KCNQ1: variants seen among roughly 807,000 people sequenced by gnomAD.
KCNQ1 encodes the protein potassium voltage-gated channel subfamily Q member 1, also known as potassium voltage-gated channel subfamily KQT member 1.
KCNQ1 carries 49 observed loss-of-function variants against 72.4 expected under a neutral mutation model. That is an observed-to-expected ratio of 0.68 (90% CI 0.54 to 0.86). The LOEUF (loss-of-function observed/expected upper bound fraction) is 0.86, where lower values mean the gene tolerates loss of function less well. Ranked by LOEUF, KCNQ1 falls within the 40% of genes least tolerant of loss-of-function variation. KCNQ1 has a pLI of 0.00. For missense variants in KCNQ1, 790 were observed against 945.1 expected (o/e 0.84, Z 2.15); for synonymous variants, 450 against 412.6 (o/e 1.09, Z -1.10).
Position 2,830,042 on chromosome 11 carries a change from GGAAGGA to G in KCNQ1, c.1795-17723_1795-17718del. 6.7e-6 allele frequency among the ~76,000 whole-genome samples: 1 copy of G among 149,100 alleles called. No homozygotes were observed. The highest frequency in any genetic ancestry group is 1.5e-5 in the Non-Finnish European group (1 of 66,680). On this transcript the variant is annotated intron_variant, in intron 15 of 15. Transcript: ENST00000155840. The surrounding 1 kb of genome is among the most constrained non-coding windows in gnomAD (Gnocchi z 7.7). ...AAGGAGGAGGAAGGAGGAGGGAGGA[GGAAGGA>G]GGAGGGAGGAGGGAGGAAGAGAGAG... is the stretch of plus-strand genomic sequence containing the variant.
chr11:2,670,794 A>C lies in KCNQ1; in HGVS notation c.1514+8713A>C, dbSNP rs1446502037. On this transcript the variant is annotated intron_variant, in intron 11 of 15. Coordinates refer to ENST00000155840, the MANE Select transcript of KCNQ1 (RefSeq NM_000218.3). The surrounding 1 kb of genome is among the most constrained non-coding windows in gnomAD (Gnocchi z 4.9). Reference sequence around the variant, plus strand: ...CTGCCCTCTGCAATAAGAATTCTTCAAGTTCAGCCTCTATGTGCATCATAA... The same window carrying C: ...CTGCCCTCTGCAATAAGAATTCTTCCAGTTCAGCCTCTATGTGCATCATAA... 5.0e-6 allele frequency: 2 copies of C among 398,428 alleles called. No homozygotes were observed. The highest frequency in any genetic ancestry group is 8.8e-6 in the Non-Finnish European group (2 of 226,074). The allele number at this position is 398,428 out of a possible 1,614,324, so 24.7% of individuals were successfully genotyped here.
chr11:2,555,198 CTT>C (rs977689261), intron 2 of KCNQ1, among the ~76,000 whole-genome samples: 1 of 152,254 alleles, frequency 6.6e-6, no homozygotes, highest in African/African-American at 2.4e-5. Flanking sequence ...CCCCTGGTCT[CTT>C]TGGTTTGCCA....
chr11:2,733,384 CCTCAGT>C (rs1845885438), intron 11 of KCNQ1, among the ~76,000 whole-genome samples: 1 of 152,158 alleles, frequency 6.6e-6, no homozygotes, highest in Non-Finnish European at 1.5e-5. Context: ...TCCCACAAAC[CCTCAGT>C]CTCCTTTGCT....
Position 2,679,121 on chromosome 11 carries a change from A to G in KCNQ1, c.1514+17040A>G, listed in dbSNP as rs749926003. Reference sequence around the variant, plus strand: ...GCTAGAGTGCTGTTATAAGCTGTGCAGGCCAAAATGGTTTCATGGCATGAG... The same window carrying G: ...GCTAGAGTGCTGTTATAAGCTGTGCGGGCCAAAATGGTTTCATGGCATGAG... On this transcript the variant is annotated intron_variant, in intron 11 of 15. Transcript: ENST00000155840. This position sits in a 1 kb window ranked among gnomAD's most constrained non-coding sequence, Gnocchi z 4.8. The G allele has an allele frequency of 8.5e-5, 34 of 398,552 alleles. No homozygotes were observed. The highest frequency in any genetic ancestry group is 1.4e-4 in the Non-Finnish European group (32 of 226,084). The allele number at this position is 398,552 out of a possible 1,614,324, so 24.7% of individuals were successfully genotyped here. A position where few individuals can be genotyped will look rare whatever the true frequency, so the allele number is the denominator to read the frequency against.
chr11:2,596,760 G>A (rs975732665), intron 10 of KCNQ1, among the ~76,000 whole-genome samples: 3 of 151,984 alleles, frequency 2.0e-5, no homozygotes, highest in Admixed American at 1.3e-4. Context: ...CAGTGGATAT[G>A]TTCATTATCA....
At chr11:2,686,193 C>T (rs572816903) in intron 11 of KCNQ1, 3 of 398,832 alleles carry the variant, frequency 7.5e-6, no homozygotes, top group African/African-American at 2.1e-5. Context: ...CTCATCCTGC[C>T]CAAAACCCTG....
rs763680153 is a variant in KCNQ1, at chr11:2,613,626, C to G, written c.1393+24772C>G. The G allele has an allele frequency of 7.5e-6, 3 of 398,384 alleles. No individual in the cohort carries two copies. Among genetic ancestry groups the G allele is most frequent in the Non-Finnish European group, 1.3e-5 (3 of 226,028 alleles). 24.7% of individuals were successfully genotyped at this position (398,384 alleles called of 1,614,324 possible). The stretch of plus-strand genomic sequence containing the variant: ...ATTTCTTTGTCCAGTTTTATCATTG[C>G]TTTTCAGGGAGTGGTTATATCAAGG... On this transcript the variant is annotated intron_variant, in intron 10 of 15. Coordinates refer to ENST00000155840, the MANE Select transcript of KCNQ1 (RefSeq NM_000218.3). This position sits in a 1 kb window ranked among gnomAD's most constrained non-coding sequence, Gnocchi z 4.8.
At chr11:2,472,238 G>GGT (rs970545111) in intron 1 of KCNQ1, among the ~76,000 whole-genome samples, 1 of 149,600 alleles carries the variant, frequency 6.7e-6, no homozygotes, top group Non-Finnish European at 1.5e-5. Flanking sequence ...TGTATATATG[G>GGT]GTGTGTGTGC....
chr11:2,487,064 G>C (rs997832318), intron 1 of KCNQ1, among the ~76,000 whole-genome samples: 1 of 152,222 alleles, frequency 6.6e-6, no homozygotes, highest in Non-Finnish European at 1.5e-5. Context: ...ATGGTGTGAA[G>C]TAAGGGTCCA....
chr11:2,700,072 G>A lies in KCNQ1; in HGVS notation c.1514+37991G>A, dbSNP rs1185586647. On this transcript the variant is annotated intron_variant, in intron 11 of 15. Coordinates refer to ENST00000155840, the MANE Select transcript of KCNQ1 (RefSeq NM_000218.3). ...ACCGCCCCCCACCTGCTGATTGGGC[G>A]GCAGCAGGGGAAGGCTTGCGGCGGG... 6.3e-5 allele frequency: 25 copies of A among 397,918 alleles called. No individual in the cohort carries two copies. The East Asian group carries it at 7.5e-4, about 12-fold the overall frequency. 24.6% of individuals were successfully genotyped at this position (397,918 alleles called of 1,614,324 possible).
Position 2,711,827 on chromosome 11 carries a change from C to T in KCNQ1, c.1514+49746C>T, listed in dbSNP as rs974653466. ...ACTCAGCAGACTTAGGAGGGAGGGT[C>T]CTGGCACTGCTTCTGAGGAGGGTGC... On this transcript the variant is annotated intron_variant, in intron 11 of 15. Coordinates refer to ENST00000155840, the MANE Select transcript of KCNQ1 (RefSeq NM_000218.3). The surrounding 1 kb of genome is among the most constrained non-coding windows in gnomAD (Gnocchi z 5.4). Among the ~76,000 whole-genome samples the T allele has an allele frequency of 3.3e-5, 5 of 152,126 alleles. No homozygotes were observed. The highest frequency in any genetic ancestry group is 1.2e-4 in the African/African-American group (5 of 41,426).
chr11:2,467,779 C>T (rs1327098759), intron 1 of KCNQ1, among the ~76,000 whole-genome samples: 4 of 152,212 alleles, frequency 2.6e-5, no homozygotes, highest in African/African-American at 9.6e-5. Flanking sequence ...CCCTTTGCTC[C>T]CCTGATCCCT....
In KCNQ1 at chr11:2,659,238, C is replaced by G. The variant is rs1590012456; in HGVS notation, c.1394-2723C>G. On this transcript the variant is annotated intron_variant, in intron 10 of 15. Coordinates refer to ENST00000155840, the MANE Select transcript of KCNQ1 (RefSeq NM_000218.3). The surrounding 1 kb of genome is among the most constrained non-coding windows in gnomAD (Gnocchi z 4.3). ...GAAGTTCCATACCCCTAAAAATACCCTGGGGTGAGTCTTTTGAAGTCAAGT... is the reference window on the plus strand; with the variant it reads ...GAAGTTCCATACCCCTAAAAATACCGTGGGGTGAGTCTTTTGAAGTCAAGT... The G allele has an allele frequency of 2.5e-6, 1 of 398,654 alleles. No homozygotes were observed. The highest frequency in any genetic ancestry group is 2.1e-5 in the African/African-American group (1 of 48,766). The allele number at this position is 398,654 out of a possible 1,614,324, so 24.7% of individuals were successfully genotyped here. A position where few individuals can be genotyped will look rare whatever the true frequency, so the allele number is the denominator to read the frequency against.
chr11:2,613,924 C>T lies in KCNQ1; in HGVS notation c.1393+25070C>T. The T allele has an allele frequency of 2.5e-6, 1 of 398,552 alleles. No homozygotes were observed. Among genetic ancestry groups the T allele is most frequent in the Non-Finnish European group, 4.4e-6 (1 of 226,036 alleles). 24.7% of individuals were successfully genotyped at this position (398,552 alleles called of 1,614,324 possible). A position where few individuals can be genotyped will look rare whatever the true frequency, so the allele number is the denominator to read the frequency against. ...AAAAAAGTACTATTCTGTATATGCCCTTTTGAACTTTGCTTTTCTCACCTA... is the reference window on the plus strand; with the variant it reads ...AAAAAAGTACTATTCTGTATATGCCTTTTTGAACTTTGCTTTTCTCACCTA... On this transcript the variant is annotated intron_variant, in intron 10 of 15. Coordinates refer to ENST00000155840, the MANE Select transcript of KCNQ1 (RefSeq NM_000218.3). This position sits in a 1 kb window ranked among gnomAD's most constrained non-coding sequence, Gnocchi z 4.8.
In KCNQ1 at chr11:2,450,520, C is replaced by T. The variant is rs964649019; in HGVS notation, c.386+5036C>T. ...GTCTGGCTTCACTCTCGGGAGGTGC[C>T]TTGGGGCTGGCCAGTATGGGATTGC... is the stretch of plus-strand genomic sequence containing the variant. On this transcript the variant is annotated intron_variant, in intron 1 of 15. Coordinates refer to ENST00000155840, the MANE Select transcript of KCNQ1 (RefSeq NM_000218.3). The surrounding 1 kb of genome is among the most constrained non-coding windows in gnomAD (Gnocchi z 7.9). 3.9e-5 allele frequency among the ~76,000 whole-genome samples: 6 copies of T among 152,094 alleles called. No homozygotes were observed. The highest frequency in any genetic ancestry group is 1.4e-4 in the African/African-American group (6 of 41,422).
intron 11 of KCNQ1, among the ~76,000 whole-genome samples, chr11:2,761,838 G>A (rs1022378074): frequency 2.0e-5 from 3 of 152,374 alleles, no homozygotes; most frequent in East Asian, 1.9e-4. Context: ...AGTCCCGGCC[G>A]GCTGTTTGCC....
In KCNQ1 at chr11:2,767,548, G is replaced by C. The variant is rs532665081; in HGVS notation, c.1515-1296G>C. On this transcript the variant is annotated intron_variant, in intron 11 of 15. Coordinates refer to ENST00000155840, the MANE Select transcript of KCNQ1 (RefSeq NM_000218.3). This position sits in a 1 kb window ranked among gnomAD's most constrained non-coding sequence, Gnocchi z 4.6. ...TTCGTGTATAAAATTGTAGATGCTC[G>C]AGGGTATTATCTCCCTACAGATAAT... Among the ~76,000 whole-genome samples the C allele has an allele frequency of 6.6e-6, 1 of 152,124 alleles. No individual in the cohort carries two copies. Among genetic ancestry groups the C allele is most frequent in the Non-Finnish European group, 1.5e-5 (1 of 68,024 alleles).
At position 2,617,619 on chromosome 11, in the gene KCNQ1, T is replaced by C. The variant is rs559488033; in HGVS notation, c.1393+28765T>C. 2.3e-5 allele frequency: 9 copies of C among 398,444 alleles called. No homozygotes were observed. In the Admixed American group the frequency reaches 4.0e-4, roughly 18 times the overall value. 24.7% of individuals were successfully genotyped at this position (398,444 alleles called of 1,614,324 possible). On this transcript the variant is annotated intron_variant, in intron 10 of 15. Transcript: ENST00000155840. The surrounding 1 kb of genome is among the most constrained non-coding windows in gnomAD (Gnocchi z 4.6). ...GGGTCAGATGATAGTATATTTTCAA[T>C]TTCTTTAGGAGCCACCATTCTGTTT... is the stretch of plus-strand genomic sequence containing the variant.
chr11:2,646,973 CTT>C (rs2133837244), intron 10 of KCNQ1: 1 of 398,498 alleles, frequency 2.5e-6, no homozygotes, highest in East Asian at 3.6e-5. Context: ...TTTGGATACC[CTT>C]TTTCTTTTAC....
Sources: gnomAD v4.1 joint callset for allele counts (sites outside exome capture counted in the v4.1 genomes callset) on GRCh38, gnomAD v4.1.1 for gene constraint, Gnocchi (gnomAD v3.1) non-coding constraint, MANE v1.5 for transcripts, NCBI Gene and HGNC (gene_info 2026-07-23, HGNC 2026-07-21) for gene names.